MTHFS: variants seen among roughly 807,000 people sequenced by gnomAD.
MTHFS encodes methenyltetrahydrofolate synthetase, also known as 5-formyltetrahydrofolate cyclo-ligase.
Under a neutral mutation model 12.7 loss-of-function variants are expected in MTHFS, and 7 were observed. The observed-to-expected ratio is 0.55, with a 90% CI of 0.31 to 1.03. The LOEUF is 1.03. MTHFS is among the 50% of genes least tolerant of loss of function. MTHFS has a pLI of 0.05. For missense variants in MTHFS, 252 were observed against 258.1 expected (o/e 0.98, Z 0.16); for synonymous variants, 100 against 97.1 (o/e 1.03, Z -0.18).
chr15:79,884,495 T>C (rs1016862007), intron 2 of MTHFS, among the ~76,000 whole-genome samples: 3 of 152,246 alleles, frequency 2.0e-5, no homozygotes, highest in South Asian at 4.1e-4. Context: ...GGAAAATTAA[T>C]ATGGCCAGGA....
At chr15:79,895,803 A>G (rs1166498312) in intron 1 of MTHFS, among the ~76,000 whole-genome samples, 1 of 152,250 alleles carries the variant, frequency 6.6e-6, no homozygotes, top group Non-Finnish European at 1.5e-5. Flanking sequence ...AGTGAAGGGT[A>G]ATTAAGAAAG....
At chr15:79,849,431 A>G (rs949969376) in intron 2 of MTHFS, among the ~76,000 whole-genome samples, 1 of 152,094 alleles carries the variant, frequency 6.6e-6, no homozygotes. Context: ...TGGGAACACT[A>G]TGCTGGATGT....
In MTHFS at chr15:79,889,101, A is replaced by G. The variant is rs2034428629; in HGVS notation, c.371T>C (p.Leu124Ser). 6.2e-7 allele frequency: 1 copy of G among 1,614,166 alleles called. No homozygotes were observed. The highest frequency in any genetic ancestry group is 8.5e-7 in the Non-Finnish European group (1 of 1,180,008). Residue 124 changes from leucine (L) to serine (S), a missense_variant, in exon 2 of 3, where the codon TTG becomes TCG. Leu to Ser is a moderately radical substitution (Grantham distance 145). Transcript: ENST00000258874. ...AACACCATAATACTCACCTGTGGAC[A>G]AGGCCTCCTCCCGAACATCACCCTC... is the stretch of plus-strand genomic sequence containing the variant. Reference protein sequence around the residue: ...PGEGDVREEALSTGGLDLIFM... With the variant: ...PGEGDVREEASSTGGLDLIFM...
chr15:79,881,130 T>A (rs1439995601), intron 2 of MTHFS, among the ~76,000 whole-genome samples: 1 of 152,242 alleles, frequency 6.6e-6, no homozygotes, highest in African/African-American at 2.4e-5. Flanking sequence ...AGAAACCTAA[T>A]AGACATTTTA....
rs2034515040 is a variant in MTHFS at position 79,893,671 on chromosome 15, CT to C, written c.117+3200del. On this transcript the variant is annotated intron_variant, in intron 1 of 2. Coordinates refer to ENST00000258874, the MANE Select transcript of MTHFS (RefSeq NM_006441.4). The stretch of plus-strand genomic sequence containing the variant: ...CGAGATCACGCCACTGCATAACAGC[CT>C]GGGCAACAGAGCGAGACTCCCTCTC... 2.7e-5 allele frequency among the ~76,000 whole-genome samples: 4 copies of C among 148,522 alleles called. No homozygotes were observed. The South Asian group carries it at 8.4e-4, about 31-fold the overall frequency.
Position 79,864,565 on chromosome 15 carries a change from A to C in MTHFS, c.380-19123T>G, listed in dbSNP as rs1242654042. On this transcript the variant is annotated intron_variant, in intron 2 of 2. Transcript: ENST00000258874. ...ATCTCAACAAAAAAAAAAAAAAAAA[A>C]AAAAAAAAAAAAAAAGTCCTTGAGA... Among the ~76,000 whole-genome samples, 38 of 148,634 alleles carry C rather than the reference A, an allele frequency of 2.6e-4. 1 individual carries two copies. Among genetic ancestry groups the C allele is most frequent in the East Asian group, 2.5e-3 (13 of 5,118 alleles).
intron 2 of MTHFS, among the ~76,000 whole-genome samples, chr15:79,888,474 T>G (rs2034416936): frequency 6.6e-6 from 1 of 152,172 alleles, no homozygotes; most frequent in African/African-American, 2.4e-5. Context: ...AAGGAGAGGA[T>G]GCAAGACATG....
In MTHFS at chr15:79,889,251, C is replaced by T. The variant is rs144767188; in HGVS notation, c.221G>A (p.Arg74Gln). ...CCGAGGGATGAAGCAGATTTTGCCT[C>T]GTTGGAAAATGTCCTTGATGATCTC... ...TEEIIKDIFQRGKICFIPRYR... is the reference protein window; with the variant it reads ...TEEIIKDIFQQGKICFIPRYR... The change falls in exon 2 of 3, where the codon CGA (arginine) becomes CAA (glutamine). Residue 74 changes from arginine to glutamine, a missense_variant. Physicochemically the swap from Arg to Gln is conservative, Grantham distance 43. Coordinates refer to ENST00000258874, the MANE Select transcript of MTHFS (RefSeq NM_006441.4). 64 of 1,614,030 alleles carry T rather than the reference C, an allele frequency of 4.0e-5. No homozygotes were observed. In the African/African-American group the frequency reaches 5.5e-4, roughly 14 times the overall value.
chr15:79,860,143 A>C (rs1189038754), intron 2 of MTHFS, among the ~76,000 whole-genome samples: 2 of 152,170 alleles, frequency 1.3e-5, no homozygotes, highest in African/African-American at 4.8e-5. Context: ...TAATCCTAGC[A>C]CTTTGGGAGG....
rs1239206160 is a variant in MTHFS at position 79,845,197 on chromosome 15, T to C, written c.*13A>G. ...ATATAAAACACTGATTATTTGGCTG[T>C]AGTAATCCAGATTTAAGCTGTTGAC... On this transcript the variant is annotated 3_prime_UTR_variant, in exon 3 of 3. Transcript: ENST00000258874. The C allele has an allele frequency of 2.5e-6, 4 of 1,613,878 alleles. No individual in the cohort carries two copies. Among genetic ancestry groups the C allele is most frequent in the South Asian group, 1.1e-5 (1 of 91,082 alleles).
At chr15:79,878,378 G>A (rs1476221101) in intron 2 of MTHFS, among the ~76,000 whole-genome samples, 1 of 151,654 alleles carries the variant, frequency 6.6e-6, no homozygotes, top group African/African-American at 2.4e-5. Context: ...GGGCTAACTT[G>A]AGTCAAGCTT....
intron 2 of MTHFS, among the ~76,000 whole-genome samples, chr15:79,868,311 G>T (rs111230422): frequency 6.6e-6 from 1 of 152,152 alleles, no homozygotes; most frequent in Admixed American, 6.5e-5. Flanking sequence ...ATAATTTCAT[G>T]ATGTTGAGAA....
At chr15:79,896,771 A>G (rs979112029) in intron 1 of MTHFS, 101 bp downstream of exon 1, 2 of 1,455,466 alleles carry the variant, frequency 1.4e-6, no homozygotes, top group African/African-American at 2.9e-5. Flanking sequence ...GGGGGCGCCT[A>G]GCCCAGCGCC....
rs1029648938 is a variant in MTHFS at position 79,846,735 on chromosome 15, G to C, written c.380-1293C>G. ...ACCTCTGTCTTTCCTCCCTGTTCCT[G>C]TCCAGCTCATTTGTCCCTCTTGGGA... On this transcript the variant is annotated intron_variant, in intron 2 of 2. Coordinates refer to ENST00000258874, the MANE Select transcript of MTHFS (RefSeq NM_006441.4). Among the ~76,000 whole-genome samples, 4 of 152,168 alleles carry C rather than the reference G, an allele frequency of 2.6e-5. 1 individual carries two copies. Among genetic ancestry groups the C allele is most frequent in the Admixed American group, 1.3e-4 (2 of 15,282 alleles).
At chr15:79,890,206 C>CCTTT (rs1596082781) in intron 1 of MTHFS, among the ~76,000 whole-genome samples, 1 of 122,530 alleles carries the variant, frequency 8.2e-6, no homozygotes, top group East Asian at 2.6e-4. Flanking sequence ...TCTCTTTTTT[C>CCTTT]CTTTTTTTTT....
chr15:79,886,026 T>C (rs754885395), intron 2 of MTHFS, among the ~76,000 whole-genome samples: 1 of 152,246 alleles, frequency 6.6e-6, no homozygotes, highest in Non-Finnish European at 1.5e-5. Context: ...AGGATAAACT[T>C]GGGAAAGAAT....
chr15:79,857,219 A>G (rs531199552), intron 2 of MTHFS, among the ~76,000 whole-genome samples: 6 of 152,196 alleles, frequency 3.9e-5, no homozygotes, highest in African/African-American at 1.4e-4. Flanking sequence ...GCTGGTCTCG[A>G]ACTCCTGATC....
At chr15:79,856,481 A>G (rs2033805258) in intron 2 of MTHFS, among the ~76,000 whole-genome samples, 1 of 152,312 alleles carries the variant, frequency 6.6e-6, no homozygotes, top group South Asian at 2.1e-4. Flanking sequence ...GTGTGATTCA[A>G]TCAAGAAATA....
rs536720785 is a variant in MTHFS, at chr15:79,874,397, C to T, written c.379+14696G>A. Among the ~76,000 whole-genome samples the T allele has an allele frequency of 2.6e-4, 40 of 152,220 alleles. No individual in the cohort carries two copies. The South Asian group carries it at 8.1e-3, about 31-fold the overall frequency. ...CTAAAATAGCTGTGACAACCACCAACAGCCTGGCAGCCAATGGAGGGGCAG... is the reference window on the plus strand; with the variant it reads ...CTAAAATAGCTGTGACAACCACCAATAGCCTGGCAGCCAATGGAGGGGCAG... On this transcript the variant is annotated intron_variant, in intron 2 of 2. Coordinates refer to ENST00000258874, the MANE Select transcript of MTHFS (RefSeq NM_006441.4).
Sources: gnomAD v4.1 joint callset for allele counts (sites outside exome capture counted in the v4.1 genomes callset) on GRCh38, gnomAD v4.1.1 for gene constraint, MANE v1.5 for transcripts, NCBI Gene and HGNC (gene_info 2026-07-23, HGNC 2026-07-21) for gene names.